The following SLC4A4 variants were observed in gnomAD, a reference collection of about 807,000 sequenced individuals.
SLC4A4 encodes the protein electrogenic sodium bicarbonate cotransporter 1.
In SLC4A4, 27 loss-of-function variants were observed where a neutral mutation model predicts 111.5. The ratio of observed to expected loss-of-function variants is 0.24; its 90% confidence interval spans 0.18 to 0.33. The LOEUF (loss-of-function observed/expected upper bound fraction) is 0.33, where lower values mean the gene tolerates loss of function less well. Ranked by LOEUF, SLC4A4 falls within the 10% of genes least tolerant of loss-of-function variation. The probability of loss-of-function intolerance (pLI) is 1.00; values close to 1 mark genes in which losing one functional copy is unlikely to be tolerated. For synonymous variants in SLC4A4, 443 were observed against 463.4 expected (o/e 0.96, Z 0.57); for missense variants, 909 against 1,315.5 (o/e 0.69, Z 4.78).
chr4:71,192,590 A>G (rs558267275), intron 1 of SLC4A4, among the ~76,000 whole-genome samples: 14 of 152,290 alleles, frequency 9.2e-5, no homozygotes, highest in South Asian at 8.3e-4. Flanking sequence ...GTTGAGGACT[A>G]TTTAGATTTG....
At chr4:71,398,271 C>T (rs578062224) in intron 7 of SLC4A4, among the ~76,000 whole-genome samples, 39 of 137,684 alleles carry the variant, frequency 2.8e-4, no homozygotes, top group African/African-American at 1.0e-3. Context: ...AGTGACAGAG[C>T]GAGACTTTGT....
In SLC4A4 at chr4:71,113,939, C is replaced by A. The variant is rs115894323; in HGVS notation, c.-2+21147C>A. On this transcript the variant is annotated intron_variant, in intron 2 of 26. Transcript: ENST00000649996. ...GTTATACCTTATTAGCAGACTAAAT[C>A]CAATGTACTTTTTAAAAAAGCAAAC... Among the ~76,000 whole-genome samples, 1,358 of 152,190 alleles carry A rather than the reference C, an allele frequency of 8.9e-3. 15 individuals carry two copies. The highest frequency in any genetic ancestry group is 0.031 in the African/African-American group (1,290 of 41,516).
intron 3 of SLC4A4, among the ~76,000 whole-genome samples, chr4:71,324,384 G>A (rs1727349495): frequency 1.3e-5 from 2 of 151,838 alleles, no homozygotes; most frequent in Admixed American, 6.6e-5. Context: ...TTAATAATAT[G>A]CTTAATATAA....
chr4:71,290,561 G>A (rs560884192), intron 3 of SLC4A4, among the ~76,000 whole-genome samples: 1 of 152,310 alleles, frequency 6.6e-6, no homozygotes, highest in East Asian at 1.9e-4. Context: ...AAGTGCATCA[G>A]GGATTTTCTA....
chr4:71,292,897 A>G (rs1264497228), intron 3 of SLC4A4, among the ~76,000 whole-genome samples: 8 of 132,112 alleles, frequency 6.1e-5, no homozygotes, highest in Non-Finnish European at 4.6e-5. Context: ...GCTGGAGTGC[A>G]GTGGTGCGAT....
chr4:71,406,700 A>G (rs567820882), intron 7 of SLC4A4, among the ~76,000 whole-genome samples: 129 of 151,476 alleles, frequency 8.5e-4, no homozygotes, highest in Middle Eastern at 6.8e-3. Flanking sequence ...GTTTTCTACA[A>G]TCTGAAAGCC....
chr4:71,189,407 T>G (rs1304562277), intron 1 of SLC4A4, among the ~76,000 whole-genome samples: 1 of 152,196 alleles, frequency 6.6e-6, no homozygotes, highest in Non-Finnish European at 1.5e-5. Flanking sequence ...TAAGAGACAT[T>G]TTGGATTTAC....
intron 16 of SLC4A4, among the ~76,000 whole-genome samples, chr4:71,517,091 T>C (rs1465018285): frequency 6.6e-6 from 1 of 152,154 alleles, no homozygotes; most frequent in Non-Finnish European, 1.5e-5. Flanking sequence ...ATGTTGAATC[T>C]GATTGAAGAC....
intron 18 of SLC4A4, among the ~76,000 whole-genome samples, chr4:71,535,201 C>G (rs1227656221): frequency 6.6e-6 from 1 of 152,018 alleles, no homozygotes; most frequent in Non-Finnish European, 1.5e-5. Context: ...ATGAGGGAAG[C>G]ATGAAAATGC....
chr4:71,094,914 T>C (rs1295486766), intron 2 of SLC4A4, among the ~76,000 whole-genome samples: 1 of 152,182 alleles, frequency 6.6e-6, no homozygotes, highest in Non-Finnish European at 1.5e-5. Flanking sequence ...CAGTTTTCAA[T>C]GAACAGGCTA....
At chr4:71,212,984 A>G (rs1406607878) in intron 1 of SLC4A4, among the ~76,000 whole-genome samples, 17 of 152,200 alleles carry the variant, frequency 1.1e-4, no homozygotes, top group Non-Finnish European at 1.5e-5. Flanking sequence ...TTACTATTGT[A>G]TTATAATTGC....
chr4:71,526,223 G>A (rs1578115323), intron 16 of SLC4A4, among the ~76,000 whole-genome samples: 1 of 152,126 alleles, frequency 6.6e-6, no homozygotes, highest in African/African-American at 2.4e-5. Flanking sequence ...TTCCTTGACT[G>A]TGAAGTTTAA....
At chr4:71,145,484 C>T (rs1230043577) in intron 2 of SLC4A4, among the ~76,000 whole-genome samples, 4 of 152,146 alleles carry the variant, frequency 2.6e-5, no homozygotes, top group Non-Finnish European at 5.9e-5. Context: ...GGAGGATTCC[C>T]TCTTTTTCTA....
At position 71,393,496 on chromosome 4, in the gene SLC4A4, T is replaced by C. The variant is rs546819196; in HGVS notation, c.731-4081T>C. ...ATCAACAAGGCAAACTATAAAACAC[T>C]GCTGAAAGAAATCATAGATGACACA... On this transcript the variant is annotated intron_variant, in intron 6 of 25. Coordinates refer to ENST00000264485, the MANE Select transcript of SLC4A4 (RefSeq NM_001098484.3). Among the ~76,000 whole-genome samples, 7 of 152,202 alleles carry C rather than the reference T, an allele frequency of 4.6e-5. No individual in the cohort carries two copies. The South Asian group carries it at 1.5e-3, about 32-fold the overall frequency.
chr4:71,186,710 G>A (rs1298726260), upstream of SLC4A4: 1 of 151,880 alleles, frequency 6.6e-6, no homozygotes, highest in Non-Finnish European at 1.5e-5. Flanking sequence ...GGCAGGGCAG[G>A]GGGCCGGCCG....
intron 2 of SLC4A4, among the ~76,000 whole-genome samples, chr4:71,239,822 T>C (rs1179492982): frequency 1.3e-5 from 2 of 152,230 alleles, no homozygotes; most frequent in African/African-American, 4.8e-5. Flanking sequence ...CCTTGTACTA[T>C]GCGTGGTTTT....
At chr4:71,556,615 T>C (rs1240714520) in intron 21 of SLC4A4, among the ~76,000 whole-genome samples, 1 of 151,978 alleles carries the variant, frequency 6.6e-6, no homozygotes, top group East Asian at 1.9e-4. Flanking sequence ...TTGCCCCTAA[T>C]GGCTTTTCTC....
rs1298363424 is a variant in SLC4A4 at position 71,234,911 on chromosome 4, G to A, written c.-1-1665G>A. Among the ~76,000 whole-genome samples, 7 of 152,248 alleles carry A rather than the reference G, an allele frequency of 4.6e-5. 1 individual carries two copies. Among genetic ancestry groups the A allele is most frequent in the African/African-American group, 1.4e-4 (6 of 41,556 alleles). ...AGAAGAAATCTTGCAAGTGTCCAGA[G>A]GTAATGAGTTTCTTAATGCTATTGT... On this transcript the variant is annotated intron_variant, in intron 1 of 25. Coordinates refer to ENST00000264485, the MANE Select transcript of SLC4A4 (RefSeq NM_001098484.3).
chr4:71,468,123 G>A (rs1439370541), intron 13 of SLC4A4, among the ~76,000 whole-genome samples: 1 of 152,052 alleles, frequency 6.6e-6, no homozygotes, highest in African/African-American at 2.4e-5. Flanking sequence ...AAGTAGTGTT[G>A]TGAATTTTCT....
Sources: gnomAD v4.1 joint callset for allele counts (sites outside exome capture counted in the v4.1 genomes callset) on GRCh38, gnomAD v4.1.1 for gene constraint, MANE v1.5 for transcripts, NCBI Gene and HGNC (gene_info 2026-07-23, HGNC 2026-07-21) for gene names.